Variants in TIMM22 observed in about 807,000 individuals in gnomAD.
The protein encoded by TIMM22 is translocase of inner mitochondrial membrane 22.
Under a neutral mutation model 18.3 loss-of-function variants are expected in TIMM22, and 12 were observed. That is an observed-to-expected ratio of 0.65 (90% CI 0.42 to 1.06). TIMM22 has a LOEUF of 1.06. Ranked by LOEUF, TIMM22 falls within the 50% of genes least tolerant of loss-of-function variation. The pLI is 0.00. For missense variants in TIMM22, 278 were observed against 252.8 expected, an observed-to-expected ratio of 1.10 and a Z score of -0.68; for synonymous variants, 107 against 98.5, an observed-to-expected ratio of 1.09 and a Z score of -0.51.
At position 1,001,405 on chromosome 17, in the gene TIMM22, C is replaced by A; in HGVS notation, c.*317C>A. On this transcript the variant is annotated 3_prime_UTR_variant, in exon 4 of 4. Transcript: ENST00000327158. ...AGCTTCAGGCCTGACCACAGCTGGCCCTCTAGGTTGTTTGGTGTTGTGGGC... is the reference window on the plus strand; with the variant it reads ...AGCTTCAGGCCTGACCACAGCTGGCACTCTAGGTTGTTTGGTGTTGTGGGC... 3.3e-6 allele frequency: 1 copy of A among 305,978 alleles called. No individual in the cohort carries two copies. 19.0% of individuals were successfully genotyped at this position (305,978 alleles called of 1,614,324 possible). A position where few individuals can be genotyped will look rare whatever the true frequency, so the allele number is the denominator to read the frequency against.
In TIMM22 at chr17:1,003,597, A is replaced by G. The variant is rs902089698; in HGVS notation, c.*2509A>G. On this transcript the variant is annotated 3_prime_UTR_variant, in exon 4 of 4. Coordinates refer to ENST00000327158, the MANE Select transcript of TIMM22 (RefSeq NM_013337.4). ...ACGTGGTTTACATCAATTTATAATA[A>G]TCTACATAAGTTGAAACAGAACATA... 4.6e-5 allele frequency: 7 copies of G among 152,650 alleles called. No individual in the cohort carries two copies. Among genetic ancestry groups the G allele is most frequent in the Non-Finnish European group, 7.3e-5 (5 of 68,054 alleles). 9.5% of individuals were successfully genotyped at this position (152,650 alleles called of 1,614,324 possible).
intron 2 of TIMM22, 128 bp from the exon 3 acceptor site, chr17:999,384 T>C: frequency 1.8e-6 from 1 of 554,764 alleles, no homozygotes; most frequent in South Asian, 3.5e-5. Flanking sequence ...AGGAACTATA[T>C]TTTCAAGAAA....
At position 998,822 on chromosome 17, in the gene TIMM22, C is replaced by G. The variant is rs370502388; in HGVS notation, c.282C>G (p.Ile94Met). The G allele has an allele frequency of 1.1e-5, 18 of 1,614,038 alleles. No homozygotes were observed. In the African/African-American group the frequency reaches 2.1e-4, roughly 19 times the overall value. The change falls in exon 2 of 4, where the codon ATC becomes ATG. Residue 94 changes from isoleucine (I) to methionine (M), a missense_variant. Coordinates refer to ENST00000327158, the MANE Select transcript of TIMM22 (RefSeq NM_013337.4). ...CATTTGGGGTGTTTACCGCTGGCAT[C>G]GATACCAACGTGGGCTTTGACCCTA... is the stretch of plus-strand genomic sequence containing the variant. ...GGAFGVFTAG[I>M]DTNVGFDPKD...
rs139651881 is a variant in TIMM22 at position 1,002,907 on chromosome 17, G to A, written c.*1819G>A. 3 of 152,260 alleles carry A rather than the reference G, an allele frequency of 2.0e-5. No homozygotes were observed. The highest frequency in any genetic ancestry group is 1.9e-4 in the East Asian group (1 of 5,188). The allele number at this position is 152,260 out of a possible 1,614,324, so 9.4% of individuals were successfully genotyped here. ...CATTGTCCACGCTGCCTATTCACTC[G>A]AGAGATGAATAGTTTCCTGTTTTCG... On this transcript the variant is annotated 3_prime_UTR_variant, in exon 4 of 4. Transcript: ENST00000327158.
rs2069780583 is a variant in TIMM22, at chr17:1,002,850, G to GCTGT, written c.*1764_*1767dup. ...AGCCTTGGAAAAGATGAGCGCCAGG[G>GCTGT]CTGTCAGTACCCATCGGTTCAGTAA... On this transcript the variant is annotated 3_prime_UTR_variant, in exon 4 of 4. Coordinates refer to ENST00000327158, the MANE Select transcript of TIMM22 (RefSeq NM_013337.4). 1 of 152,178 alleles carries GCTGT rather than the reference G, an allele frequency of 6.6e-6. No homozygotes were observed. Among genetic ancestry groups the GCTGT allele is most frequent in the Admixed American group, 6.6e-5 (1 of 15,262 alleles). 9.4% of individuals were successfully genotyped at this position (152,178 alleles called of 1,614,324 possible).
At chr17:1,000,970 C>G in intron 3 of TIMM22, 42 bp from the exon 4 acceptor site, 3 of 1,609,894 alleles carry the variant, frequency 1.9e-6, no homozygotes, top group Non-Finnish European at 2.6e-6. Context: ...CGTGACCCAG[C>G]AGCTGTCACC....
chr17:999,358 T>TATATACATAC (rs1408779709), intron 2 of TIMM22, among the ~76,000 whole-genome samples, 154 bp from the exon 3 acceptor site: 2 of 132,604 alleles, frequency 1.5e-5, no homozygotes, highest in African/African-American at 6.4e-5. Context: ...TATATATATA[T>TATATACATAC]ACACGCTGTA....
rs1026488855 is a variant in TIMM22 at position 1,001,286 on chromosome 17, C to G, written c.*198C>G. Reference sequence around the variant, plus strand: ...GTAGCCACACTTTGCTGCTCCTGGACTCCAGCCAGCCTTCACAGAGGACGT... The same window carrying G: ...GTAGCCACACTTTGCTGCTCCTGGAGTCCAGCCAGCCTTCACAGAGGACGT... On this transcript the variant is annotated 3_prime_UTR_variant, in exon 4 of 4. Coordinates refer to ENST00000327158, the MANE Select transcript of TIMM22 (RefSeq NM_013337.4). The G allele has an allele frequency of 7.3e-6, 4 of 545,694 alleles. No homozygotes were observed. The highest frequency in any genetic ancestry group is 3.1e-5 in the Admixed American group (1 of 32,426). 33.8% of individuals were successfully genotyped at this position (545,694 alleles called of 1,614,324 possible).
rs769095012 is a variant in TIMM22, at chr17:997,290, A to T, written c.148A>T (p.Ile50Phe). The change falls in exon 1 of 4, where the codon ATC becomes TTC. Residue 50 changes from isoleucine to phenylalanine, a missense_variant. By Grantham distance (21) the Ile-to-Phe change is conservative (BLOSUM62 0). Transcript: ENST00000327158. ...CCTGGAGCCTGGGAGCCTGGGCGGG[A>T]TCCCAAGTCCAGCCAAGAGTGAGGA... is the stretch of plus-strand genomic sequence containing the variant. ...RLLEPGSLGG[I>F]PSPAKSEEQK... The T allele has an allele frequency of 6.2e-7, 1 of 1,613,772 alleles. No homozygotes were observed. The highest frequency in any genetic ancestry group is 2.2e-5 in the East Asian group (1 of 44,870).
At position 999,323 on chromosome 17, in the gene TIMM22, C is replaced by CTATATATATATATATATATATATA. The variant is rs57081954; in HGVS notation, c.436-176_436-153dup. 4.6e-4 allele frequency among the ~76,000 whole-genome samples: 56 copies of CTATATATATATATATATATATATA among 120,514 alleles called. 2 individuals are homozygous for CTATATATATATATATATATATATA. The highest frequency in any genetic ancestry group is 6.4e-4 in the Admixed American group (8 of 12,534). 79.1% of individuals were successfully genotyped at this position (120,514 alleles called of 152,430 possible). ...TGCAGGAAGCATCTATGAACGCATA[C>CTATATATATATATATATATATATA]TATATATATATATATATATATATAT... On this transcript the variant is annotated intron_variant, in intron 2 of 3. Coordinates refer to ENST00000327158, the MANE Select transcript of TIMM22 (RefSeq NM_013337.4).
chr17:1,000,957 C>A, intron 3 of TIMM22, 55 bp from the exon 4 acceptor site: 1 of 1,598,630 alleles, frequency 6.3e-7, no homozygotes, highest in Non-Finnish European at 8.6e-7. Flanking sequence ...TCCGTGAGTG[C>A]CTCGTGACCC....
intron 2 of TIMM22, among the ~76,000 whole-genome samples, 154 bp from the exon 3 acceptor site, chr17:999,358 T>TATATATATATACAC (rs1408779709): frequency 3.8e-5 from 5 of 132,586 alleles, no homozygotes; most frequent in African/African-American, 1.6e-4. Flanking sequence ...TATATATATA[T>TATATATATATACAC]ACACGCTGTA....
intron 1 of TIMM22, among the ~76,000 whole-genome samples, chr17:997,761 C>G (rs1745740427): frequency 6.6e-6 from 1 of 152,180 alleles, no homozygotes; most frequent in African/African-American, 2.4e-5. Flanking sequence ...TGCAGTGAGC[C>G]GAGATGTGCC....
Position 1,001,238 on chromosome 17 carries a change from C to A in TIMM22, c.*150C>A. 2.5e-6 allele frequency: 2 copies of A among 807,934 alleles called. No individual in the cohort carries two copies. The highest frequency in any genetic ancestry group is 3.9e-6 in the Non-Finnish European group (2 of 507,740). 50.0% of individuals were successfully genotyped at this position (807,934 alleles called of 1,614,324 possible). A position where few individuals can be genotyped will look rare whatever the true frequency, so the allele number is the denominator to read the frequency against. On this transcript the variant is annotated 3_prime_UTR_variant, in exon 4 of 4. Transcript: ENST00000327158. ...TTGGTATTCTGAGGGAGCTGCCTGG[C>A]TTCTCTGCCTCCAGCCTTTGGGGTA...
At chr17:999,639 G>C in intron 3 of TIMM22, 55 bp downstream of exon 3, 1 of 1,538,010 alleles carries the variant, frequency 6.5e-7, no homozygotes, top group African/African-American at 1.4e-5. Context: ...AACGTGCTGA[G>C]GTTGTCATTT....
Position 1,001,033 on chromosome 17 carries a change from T to C in TIMM22, c.530T>C (p.Ile177Thr), listed in dbSNP as rs748379550. 18 of 1,613,988 alleles carry C rather than the reference T, an allele frequency of 1.1e-5. No individual in the cohort carries two copies. The highest frequency in any genetic ancestry group is 1.7e-4 in the Middle Eastern group (1 of 6,038). The change falls in exon 4 of 4, where the codon ATT becomes ACT. Residue 177 changes from isoleucine (I) to threonine (T), a missense_variant. Ile to Thr is a moderately conservative substitution (Grantham distance 89). Coordinates refer to ENST00000327158, the MANE Select transcript of TIMM22 (RefSeq NM_013337.4). ...ACAGCTGGCTTAAAGGCTGGGGCCA[T>C]TGGTTGTGGAGGTTTTGCTGCTTTC... ...GFRAGLKAGA[I>T]GCGGFAAFSA...
chr17:999,065 G>A, intron 2 of TIMM22, 90 bp downstream of exon 2: 1 of 1,395,256 alleles, frequency 7.2e-7, no homozygotes, highest in East Asian at 2.3e-5. Flanking sequence ...TCATTTGAAA[G>A]TTGTTACTAG....
chr17:999,440 C>A, intron 2 of TIMM22, 72 bp from the exon 3 acceptor site: 1 of 1,508,224 alleles, frequency 6.6e-7, no homozygotes, highest in Non-Finnish European at 9.1e-7. Context: ...AACGAGCAAC[C>A]CTGTGTATTC....
rs1183807270 is a variant in TIMM22 at position 1,001,028 on chromosome 17, GGC to G, written c.526_527del (p.Ala176HisfsTer14). Reference protein sequence around the residue: ...IGFRAGLKAGAIGCGGFAAFS... With the variant: ...IGFRAGLKAGXIGCGGFAAFS... ...GTTTGACAGCTGGCTTAAAGGCTGG[GGC>G]CATTGGTTGTGGAGGTTTTGCTGCT... On this transcript the variant is annotated frameshift_variant, in exon 4 of 4. Coordinates refer to ENST00000327158, the MANE Select transcript of TIMM22 (RefSeq NM_013337.4). LOFTEE classifies it high-confidence loss of function. 6.2e-7 allele frequency: 1 copy of G among 1,614,020 alleles called. No homozygotes were observed. Among genetic ancestry groups the G allele is most frequent in the Non-Finnish European group, 8.5e-7 (1 of 1,179,958 alleles).
Sources: allele counts gnomAD v4.1 joint callset (sites outside exome capture counted in the v4.1 genomes callset), GRCh38; gene constraint gnomAD v4.1.1; transcripts MANE v1.5; gene names NCBI Gene and HGNC (gene_info 2026-07-23, HGNC 2026-07-21).